The following ITGA9 variants were observed in gnomAD, a reference collection of about 807,000 sequenced individuals.
ITGA9 encodes the protein integrin alpha-9.
Under a neutral mutation model 127.8 loss-of-function variants are expected in ITGA9, and 56 were observed. The observed-to-expected ratio is 0.44, with a 90% CI of 0.35 to 0.55. The LOEUF (loss-of-function observed/expected upper bound fraction) is 0.55. ITGA9 is among the 20% of genes least tolerant of loss of function. The pLI, the probability that ITGA9 is intolerant of heterozygous loss-of-function variation, is 0.00. For missense variants in ITGA9, 1,196 were observed against 1,347.1 expected (o/e 0.89, Z 1.76); for synonymous variants, 508 against 514.5 (o/e 0.99, Z 0.17).
intron 14 of ITGA9, among the ~76,000 whole-genome samples, chr3:37,534,151 GAA>G (rs1252783705): frequency 6.6e-5 from 10 of 152,202 alleles, no homozygotes; most frequent in African/African-American, 2.4e-4. Context: ...GTGATCACCT[GAA>G]GGAAATGAAT....
intron 18 of ITGA9, among the ~76,000 whole-genome samples, chr3:37,698,709 G>C (rs146585245): frequency 4.3e-4 from 65 of 152,224 alleles, no homozygotes; most frequent in South Asian, 1.2e-3. Flanking sequence ...GAGTGTAGGT[G>C]CTGGCTCAAA....
intron 18 of ITGA9, among the ~76,000 whole-genome samples, chr3:37,698,952 T>G (rs1206313879): frequency 6.6e-6 from 1 of 152,198 alleles, no homozygotes; most frequent in Non-Finnish European, 1.5e-5. Context: ...CCTCAGCCAT[T>G]GGGACACTTA....
At chr3:37,631,742 G>A (rs561045654) in intron 16 of ITGA9, among the ~76,000 whole-genome samples, 1 of 152,244 alleles carries the variant, frequency 6.6e-6, no homozygotes, top group African/African-American at 2.4e-5. Context: ...GTAAGAAGTG[G>A]GACTGCAAGT....
At chr3:37,610,897 G>T (rs1364356099) in intron 15 of ITGA9, among the ~76,000 whole-genome samples, 1 of 152,144 alleles carries the variant, frequency 6.6e-6, no homozygotes, top group Non-Finnish European at 1.5e-5. Context: ...ATAAAGTTTT[G>T]TGGATAGGTA....
At chr3:37,671,600 C>T (rs1331188554) in intron 17 of ITGA9, among the ~76,000 whole-genome samples, 1 of 152,114 alleles carries the variant, frequency 6.6e-6, no homozygotes, top group African/African-American at 2.4e-5. Context: ...ATAAAACTGG[C>T]CCAGGTGGGT....
At chr3:37,769,366 A>G (rs1157530952) in intron 23 of ITGA9, among the ~76,000 whole-genome samples, 2 of 151,588 alleles carry the variant, frequency 1.3e-5, no homozygotes, top group Admixed American at 6.6e-5. Flanking sequence ...AGCTAAAAAT[A>G]TCACATACCA....
rs573228833 is a variant in ITGA9, at chr3:37,611,641, G to GA, written c.1690-17545dup. Among the ~76,000 whole-genome samples the GA allele has an allele frequency of 2.6e-5, 4 of 152,144 alleles. No individual in the cohort carries two copies. The South Asian group carries it at 8.3e-4, about 32-fold the overall frequency. On this transcript the variant is annotated intron_variant, in intron 15 of 27. Coordinates refer to ENST00000264741, the MANE Select transcript of ITGA9 (RefSeq NM_002207.3). ...GTTCAGTTAGCCCCCAAGCTGAGAA[G>GA]ACAGGCCCACTGTGGTTTGAGTAAC...
chr3:37,760,080 G>A (rs868288322), intron 23 of ITGA9, among the ~76,000 whole-genome samples: 17 of 151,470 alleles, frequency 1.1e-4, no homozygotes, highest in Middle Eastern at 3.5e-3. Context: ...AATTAGCTGG[G>A]AGTGGTGGCA....
chr3:37,545,892 C>T (rs1405181496), intron 15 of ITGA9, among the ~76,000 whole-genome samples: 1 of 152,196 alleles, frequency 6.6e-6, no homozygotes, highest in Non-Finnish European at 1.5e-5. Flanking sequence ...CCCCTTTCCT[C>T]CTGGAACCTG....
Position 37,743,914 on chromosome 3 carries a change from T to C in ITGA9, c.2325-12T>C. ...GGGTGGGGATGACAGATTTCATGCT[T>C]TCCTCTTTCAGAATCATGTCTCCAA... On this transcript the variant is annotated splice_polypyrimidine_tract_variant and intron_variant, in intron 21 of 27. Transcript: ENST00000264741. The C allele has an allele frequency of 6.3e-7, 1 of 1,590,698 alleles. No individual in the cohort carries two copies. The highest frequency in any genetic ancestry group is 8.6e-7 in the Non-Finnish European group (1 of 1,158,594).
In ITGA9 at chr3:37,508,468, A is replaced by G. The variant is rs1698867791; in HGVS notation, c.829-91A>G. ...ACATCTGCTGTGCACCTGGCTCTTA[A>G]GCTTTTAAATAGGACTCCCAGGAGA... On this transcript the variant is annotated intron_variant, in intron 7 of 27. Transcript: ENST00000264741. 2.9e-6 allele frequency: 3 copies of G among 1,035,482 alleles called. No homozygotes were observed. In the South Asian group the frequency reaches 4.1e-5, roughly 14 times the overall value. 64.1% of individuals were successfully genotyped at this position (1,035,482 alleles called of 1,614,324 possible).
chr3:37,609,131 A>G (rs1213551496), intron 15 of ITGA9, among the ~76,000 whole-genome samples: 1 of 152,084 alleles, frequency 6.6e-6, no homozygotes, highest in Non-Finnish European at 1.5e-5. Flanking sequence ...GCCATGCTCT[A>G]TGCTTGCCCG....
chr3:37,788,126 C>T (rs1397982615), intron 26 of ITGA9, among the ~76,000 whole-genome samples: 5 of 152,188 alleles, frequency 3.3e-5, no homozygotes, highest in African/African-American at 7.2e-5. Context: ...CTGTTCTCAG[C>T]ATTACTACAA....
chr3:37,513,649 A>T, intron 8 of ITGA9, 114 bp from the exon 9 acceptor site: 7 of 1,257,208 alleles, frequency 5.6e-6, no homozygotes, highest in Non-Finnish European at 7.9e-6. Flanking sequence ...ATGTGTTCTC[A>T]TTGTTCAATT....
In ITGA9 at chr3:37,731,817, T is replaced by C. The variant is rs191681602; in HGVS notation, c.2068-895T>C. Among the ~76,000 whole-genome samples the C allele has an allele frequency of 8.5e-5, 13 of 152,282 alleles. No homozygotes were observed. In the East Asian group the frequency reaches 2.5e-3, roughly 29 times the overall value. On this transcript the variant is annotated intron_variant, in intron 18 of 27. Coordinates refer to ENST00000264741, the MANE Select transcript of ITGA9 (RefSeq NM_002207.3). ...TAATAAGATATGTATAATTGGATAA[T>C]TTAAGTAGATATATTATGGTAAATG...
intron 4 of ITGA9, among the ~76,000 whole-genome samples, chr3:37,492,714 A>T (rs1698685565): frequency 6.6e-6 from 1 of 152,156 alleles, no homozygotes; most frequent in African/African-American, 2.4e-5. Context: ...CATTCAGCTC[A>T]TGGGGTCTGA....
At chr3:37,780,392 A>G (rs533295948) in intron 25 of ITGA9, among the ~76,000 whole-genome samples, 46 of 152,284 alleles carry the variant, frequency 3.0e-4, no homozygotes, top group African/African-American at 1.0e-3. Context: ...GCTCCCACTT[A>G]TAAGTGAGAA....
At chr3:37,725,038 C>A (rs1701231564) in intron 18 of ITGA9, among the ~76,000 whole-genome samples, 1 of 152,132 alleles carries the variant, frequency 6.6e-6, no homozygotes, top group Non-Finnish European at 1.5e-5. Flanking sequence ...CTTCTCAGAT[C>A]CCATCTGCCT....
chr3:37,797,230 G>C lies in ITGA9; in HGVS notation c.2890-6593G>C, dbSNP rs147533808. 3.4e-3 allele frequency among the ~76,000 whole-genome samples: 515 copies of C among 152,284 alleles called. 4 individuals are homozygous for C. The highest frequency in any genetic ancestry group is 5.8e-3 in the Admixed American group (88 of 15,296). On this transcript the variant is annotated intron_variant, in intron 26 of 27. Coordinates refer to ENST00000264741, the MANE Select transcript of ITGA9 (RefSeq NM_002207.3). Reference sequence around the variant, plus strand: ...GCCTGTAGTCCCAGCTACTTGGGAGGCTGAGGTGGGAGAATCACTTGAGCC... The same window carrying C: ...GCCTGTAGTCCCAGCTACTTGGGAGCCTGAGGTGGGAGAATCACTTGAGCC...
Sources: allele counts gnomAD v4.1 joint callset (sites outside exome capture counted in the v4.1 genomes callset), GRCh38; gene constraint gnomAD v4.1.1; transcripts MANE v1.5; gene names NCBI Gene and HGNC (gene_info 2026-07-23, HGNC 2026-07-21).